FBLIM1: variants seen among roughly 807,000 people sequenced by gnomAD.
FBLIM1 encodes filamin-binding LIM protein 1.
In FBLIM1, 29 loss-of-function variants were observed where a neutral mutation model predicts 37.4. The observed-to-expected ratio is 0.77, with a 90% confidence interval of 0.58 to 1.06. The LOEUF (loss-of-function observed/expected upper bound fraction) is 1.06, where lower values mean the gene tolerates loss of function less well. Among genes scored for constraint, FBLIM1 ranks in the 50% least tolerant of loss-of-function variants. The pLI is 0.00. For missense variants in FBLIM1, 449 were observed against 505.6 expected, an observed-to-expected ratio of 0.89 and a Z score of 1.07; for synonymous variants, 193 against 199.0, an observed-to-expected ratio of 0.97 and a Z score of 0.25.
chr1:15,763,862 C>T (rs1456823937), intron 1 of FBLIM1, among the ~76,000 whole-genome samples: 1 of 152,000 alleles, frequency 6.6e-6, no homozygotes, highest in East Asian at 2.0e-4. Context: ...TGGTCTCAAA[C>T]TCCTGGCCTC....
At chr1:15,776,904 CAAAA>C in intron 7 of FBLIM1, 1 of 207,498 alleles carries the variant, frequency 4.8e-6, no homozygotes, top group Admixed American at 6.3e-5. Flanking sequence ...GAAAAAAAAA[CAAAA>C]AAGACAGATG....
intron 5 of FBLIM1, among the ~76,000 whole-genome samples, chr1:15,769,476 CA>C (rs940652468): frequency 2.7e-5 from 4 of 150,260 alleles, no homozygotes; most frequent in South Asian, 2.1e-4. Flanking sequence ...GCTTCCGTCT[CA>C]AAAAAATAAA....
At chr1:15,759,116 G>A (rs1362436974) in intron 1 of FBLIM1, among the ~76,000 whole-genome samples, 3 of 152,006 alleles carry the variant, frequency 2.0e-5, no homozygotes, top group African/African-American at 7.2e-5. Flanking sequence ...TCCCAGCCCG[G>A]GAGCGGGAGC....
At chr1:15,763,518 C>T (rs910515804) in intron 1 of FBLIM1, among the ~76,000 whole-genome samples, 11 of 147,702 alleles carry the variant, frequency 7.4e-5, no homozygotes, top group African/African-American at 2.5e-4. Context: ...CACCTGTAGT[C>T]CCAGCTACTC....
intron 8 of FBLIM1, among the ~76,000 whole-genome samples, chr1:15,783,231 G>A (rs954896960): frequency 2.6e-5 from 4 of 152,176 alleles, no homozygotes; most frequent in Admixed American, 2.6e-4. Flanking sequence ...AGTGACGTTG[G>A]TAGAATTTGG....
At chr1:15,784,246 C>T (rs1438822330) in intron 8 of FBLIM1, among the ~76,000 whole-genome samples, 1 of 152,160 alleles carries the variant, frequency 6.6e-6, no homozygotes, top group African/African-American at 2.4e-5. Context: ...CTTCTAGCCC[C>T]AACTTTCCCT....
chr1:15,759,960 A>C (rs1364301707), intron 1 of FBLIM1, among the ~76,000 whole-genome samples: 2 of 152,354 alleles, frequency 1.3e-5, no homozygotes, highest in South Asian at 4.1e-4. Context: ...GCGGTGGCTC[A>C]CGCCTGTAAT....
chr1:15,784,805 A>G lies in FBLIM1; in HGVS notation c.*144A>G. ...TGCAAGCCGGCCCAGCCTGTCCAGG[A>G]TACAGTGGGGCTGAGCACCCCCAGG... is the stretch of plus-strand genomic sequence containing the variant. On this transcript the variant is annotated 3_prime_UTR_variant, in exon 9 of 9. Coordinates refer to ENST00000375766, the MANE Select transcript of FBLIM1 (RefSeq NM_017556.4). 1.5e-6 allele frequency: 1 copy of G among 651,274 alleles called. No individual in the cohort carries two copies. Among genetic ancestry groups the G allele is most frequent in the South Asian group, 1.9e-5 (1 of 51,286 alleles). The allele number at this position is 651,274 out of a possible 1,614,324, so 40.3% of individuals were successfully genotyped here.
chr1:15,784,000 C>T (rs1216363171), intron 8 of FBLIM1, among the ~76,000 whole-genome samples: 3 of 152,200 alleles, frequency 2.0e-5, no homozygotes, highest in South Asian at 2.1e-4. Flanking sequence ...ACCAGCCTGA[C>T]CAACATGGCA....
chr1:15,760,507 G>GC (rs1291950147), intron 1 of FBLIM1, among the ~76,000 whole-genome samples: 4 of 141,788 alleles, frequency 2.8e-5, no homozygotes, highest in African/African-American at 1.1e-4. Flanking sequence ...TCCAGCCTCG[G>GC]CCACAGAGCA....
At chr1:15,768,758 C>T (rs1425204884) in intron 5 of FBLIM1, 128 bp downstream of exon 5, 3 of 528,794 alleles carry the variant, frequency 5.7e-6, no homozygotes, top group African/African-American at 4.0e-5. Flanking sequence ...CAATGATGGG[C>T]TTTGTAGTTC....
chr1:15,773,379 T>A (rs1476619001), intron 6 of FBLIM1, among the ~76,000 whole-genome samples: 2 of 149,016 alleles, frequency 1.3e-5, no homozygotes, highest in African/African-American at 5.0e-5. Flanking sequence ...CAAGACTCCA[T>A]CTCAAAAAAA....
rs2068988435 is a variant in FBLIM1 at position 15,767,568 on chromosome 1, TG to T, written c.438+6del. 2 of 913,098 alleles carry T rather than the reference TG, an allele frequency of 2.2e-6. No homozygotes were observed. Among genetic ancestry groups the T allele is most frequent in the South Asian group, 3.6e-5 (2 of 55,000 alleles). The allele number at this position is 913,098 out of a possible 1,614,324, so 56.6% of individuals were successfully genotyped here. ...CCGCCCCCGCCCCCACCACAGGTACTGCCTGCCCCCCGACCCCCAGCAATCC... is the reference window on the plus strand; with the variant it reads ...CCGCCCCCGCCCCCACCACAGGTACTCCTGCCCCCCGACCCCCAGCAATCC... On this transcript the variant is annotated splice_donor_region_variant and intron_variant, in intron 4 of 8. Transcript: ENST00000375766.
intron 1 of FBLIM1, among the ~76,000 whole-genome samples, chr1:15,761,181 C>T (rs1369309006): frequency 1.3e-5 from 2 of 152,182 alleles, no homozygotes; most frequent in East Asian, 3.9e-4. Flanking sequence ...TGGGGACCAG[C>T]CCGGAACATG....
intron 1 of FBLIM1, among the ~76,000 whole-genome samples, chr1:15,761,960 C>T (rs2068690743): frequency 6.6e-6 from 1 of 152,190 alleles, no homozygotes; most frequent in South Asian, 2.1e-4. Context: ...CCAGCTTTCC[C>T]ACCCATGGCC....
intron 6 of FBLIM1, 90 bp from the exon 7 acceptor site, chr1:15,774,528 G>C (rs932051888): frequency 6.6e-7 from 1 of 1,504,484 alleles, no homozygotes; most frequent in African/African-American, 1.4e-5. Context: ...CAGTTCCTGG[G>C]CCCCTGAGGG....
Position 15,764,604 on chromosome 1 carries a change from A to C in FBLIM1, c.-102A>C. The C allele has an allele frequency of 5.0e-5, 10 of 199,470 alleles. No individual in the cohort carries two copies. Among genetic ancestry groups the C allele is most frequent in the East Asian group, 1.3e-4 (1 of 7,434 alleles). The allele number at this position is 199,470 out of a possible 1,614,324, so 12.4% of individuals were successfully genotyped here. ...AGGCAGGCGGGACTCCAGACTGGGA[A>C]CGGAAGTCAGCCCTGCTGGGGCTGG... On this transcript the variant is annotated 5_prime_UTR_variant, in exon 2 of 9. Coordinates refer to ENST00000375766, the MANE Select transcript of FBLIM1 (RefSeq NM_017556.4).
chr1:15,781,365 T>A (rs1038471435), intron 8 of FBLIM1, among the ~76,000 whole-genome samples: 1 of 151,040 alleles, frequency 6.6e-6, no homozygotes, highest in African/African-American at 2.4e-5. Flanking sequence ...TCAAAAAAAA[T>A]TAGCTGGGTA....
upstream of FBLIM1, chr1:15,758,572 G>GGAGGC (rs1334876027): frequency 2.0e-5 from 3 of 152,214 alleles, no homozygotes; most frequent in Non-Finnish European, 4.4e-5. The surrounding 1 kb of genome is among the most constrained non-coding windows in gnomAD (Gnocchi z 6.2). Flanking sequence ...AAGGGGGAGG[G>GGAGGC]GAGGCGTCGT....
Sources: allele counts gnomAD v4.1 joint callset (sites outside exome capture counted in the v4.1 genomes callset), GRCh38; gene constraint gnomAD v4.1.1; non-coding constraint Gnocchi (gnomAD v3.1); transcripts MANE v1.5; gene names NCBI Gene and HGNC (gene_info 2026-07-23, HGNC 2026-07-21).